FBXW10B: variants seen among roughly 807,000 people sequenced by gnomAD.
The protein encoded by FBXW10B is F-box and WD repeat domain containing protein 10B.
At chr17:15,575,302 G>C in the FBXW10B span, among the ~76,000 whole-genome samples, 1 of 141,322 alleles carries the variant, frequency 7.1e-6, no homozygotes, top group Non-Finnish European at 1.5e-5. Flanking sequence ...GAGACCAACT[G>C]GCCTGAATGG....
chr17:15,573,265 T>C, the FBXW10B span: 1 of 152,140 alleles, frequency 6.6e-6, no homozygotes, highest in African/African-American at 2.4e-5. Context: ...CCAACAGAAA[T>C]ACATTTCTGT....
chr17:15,601,236 C>T, the FBXW10B span, among the ~76,000 whole-genome samples: 3,187 of 144,948 alleles, frequency 0.022, 127 homozygotes, highest in African/African-American at 0.075. Flanking sequence ...GGTGAAACCC[C>T]GTCTCTACTA....
the FBXW10B span, chr17:15,613,702 C>T: frequency 6.2e-7 from 1 of 1,610,004 alleles, no homozygotes; most frequent in Non-Finnish European, 8.5e-7. Context: ...AGTGCTGGCT[C>T]ACAGAGGCGC....
chr17:15,618,721 T>C, the FBXW10B span, among the ~76,000 whole-genome samples: 1 of 152,268 alleles, frequency 6.6e-6, no homozygotes, highest in East Asian at 1.9e-4. Flanking sequence ...GACCAGCCAT[T>C]TCTGGGCCTA....
the FBXW10B span, chr17:15,565,904 T>C: frequency 6.2e-7 from 1 of 1,608,344 alleles, no homozygotes; most frequent in Non-Finnish European, 8.5e-7. Flanking sequence ...TCAATTGAAC[T>C]GGTCACTTGG....
At chr17:15,570,860 A>G in the FBXW10B span, among the ~76,000 whole-genome samples, 1 of 152,242 alleles carries the variant, frequency 6.6e-6, no homozygotes, top group Non-Finnish European at 1.5e-5. Flanking sequence ...CACAAAAGCC[A>G]CAAACCATGC....
the FBXW10B span, among the ~76,000 whole-genome samples, chr17:15,609,092 G>A: frequency 1.4e-4 from 20 of 146,766 alleles, no homozygotes; most frequent in Non-Finnish European, 2.1e-4. Flanking sequence ...TATATTCCCT[G>A]CCATATTCTA....
the FBXW10B span, among the ~76,000 whole-genome samples, chr17:15,567,858 C>T: frequency 6.6e-6 from 1 of 152,106 alleles, no homozygotes; most frequent in Admixed American, 6.5e-5. Flanking sequence ...TTAAAATTTG[C>T]TTTAAAATAT....
the FBXW10B span, chr17:15,605,379 A>G: frequency 2.5e-5 from 40 of 1,583,672 alleles, 1 homozygote; most frequent in African/African-American, 4.1e-5. Flanking sequence ...TGACACAGCT[A>G]TCAGATCTCC....
the FBXW10B span, among the ~76,000 whole-genome samples, chr17:15,597,626 C>T: frequency 6.6e-6 from 1 of 151,324 alleles, no homozygotes; most frequent in African/African-American, 2.4e-5. Flanking sequence ...AGCAAGACTC[C>T]ATCTCAAAAA....
chr17:15,577,057 C>A, the FBXW10B span, among the ~76,000 whole-genome samples: 1 of 147,380 alleles, frequency 6.8e-6, no homozygotes, highest in African/African-American at 2.5e-5. Flanking sequence ...CAGACGGGTA[C>A]CCAGCCAGGC....
chr17:15,598,843 G>A, the FBXW10B span: 1 of 1,201,374 alleles, frequency 8.3e-7, no homozygotes, highest in Non-Finnish European at 1.1e-6. Context: ...GTTAATTTCT[G>A]TGTAAGTTTC....
At chr17:15,592,614 C>T in the FBXW10B span, among the ~76,000 whole-genome samples, 3 of 152,054 alleles carry the variant, frequency 2.0e-5, no homozygotes, top group African/African-American at 7.2e-5. Context: ...ACTGTACCCC[C>T]TGCTGCTGCC....
chr17:15,609,737 A>C, the FBXW10B span, among the ~76,000 whole-genome samples: 2 of 149,066 alleles, frequency 1.3e-5, no homozygotes, highest in Non-Finnish European at 3.0e-5. Context: ...AGAAGCACTC[A>C]CCTCCGCTTT....
chr17:15,593,722 A>G, the FBXW10B span, among the ~76,000 whole-genome samples: 4 of 150,290 alleles, frequency 2.7e-5, no homozygotes. Flanking sequence ...TGCACCTACC[A>G]GACACAAGTG....
chr17:15,619,063 G>A, the FBXW10B span: 7 of 1,613,896 alleles, frequency 4.3e-6, no homozygotes, highest in African/African-American at 2.7e-5. Context: ...TGGCAGCAGT[G>A]AGCAGTAATT....
the FBXW10B span, among the ~76,000 whole-genome samples, chr17:15,616,511 G>A: frequency 6.6e-6 from 1 of 152,046 alleles, no homozygotes; most frequent in Non-Finnish European, 1.5e-5. Context: ...TCTAAGAAAA[G>A]AGAAGGTTGT....
chr17:15,604,959 A>G, the FBXW10B span, among the ~76,000 whole-genome samples: 2 of 152,276 alleles, frequency 1.3e-5, no homozygotes, highest in Non-Finnish European at 2.9e-5. Context: ...AAGAATGCTA[A>G]TAAAGAAAAT....
the FBXW10B span, among the ~76,000 whole-genome samples, chr17:15,617,646 A>G: frequency 3.3e-5 from 5 of 152,240 alleles, no homozygotes; most frequent in African/African-American, 1.2e-4. Context: ...AGTTCGAGCA[A>G]GAGCTGGCTG....
Sources: allele counts gnomAD v4.1 joint callset (sites outside exome capture counted in the v4.1 genomes callset), GRCh38; gene constraint gnomAD v4.1.1; transcripts MANE v1.5; gene names NCBI Gene and HGNC (gene_info 2026-07-23, HGNC 2026-07-21).